The following RGMA variants were observed in gnomAD, a reference collection of about 807,000 sequenced individuals.
The protein encoded by RGMA is repulsive guidance molecule BMP co-receptor a, also known as repulsive guidance molecule A.
In RGMA, 10 loss-of-function variants were observed where a neutral mutation model predicts 23.2. That is an observed-to-expected ratio of 0.43 (90% confidence interval 0.27 to 0.73). RGMA has a LOEUF of 0.73. Ranked by LOEUF, RGMA falls within the 30% of genes least tolerant of loss-of-function variation. RGMA has a pLI of 0.20. For missense variants in RGMA, 547 were observed against 630.5 expected (o/e 0.87, Z 1.42); for synonymous variants, 308 against 279.3 (o/e 1.10, Z -1.03).
chr15:93,050,438 A>G (rs1256313461), intron 3 of RGMA, among the ~76,000 whole-genome samples: 1 of 152,214 alleles, frequency 6.6e-6, no homozygotes, highest in Non-Finnish European at 1.5e-5. Flanking sequence ...TCTGGCCTCC[A>G]GCAGAGCCTG....
At chr15:93,046,674 G>T (rs1212696360) in intron 3 of RGMA, among the ~76,000 whole-genome samples, 1 of 152,150 alleles carries the variant, frequency 6.6e-6, no homozygotes, top group African/African-American at 2.4e-5. Flanking sequence ...GCAGGCAGAG[G>T]CAAGCAGAAG....
rs1246527789 is a variant in RGMA at position 93,044,656 on chromosome 15, AAGG to A, written c.*339_*341del. The A allele has an allele frequency of 2.7e-4, 92 of 343,314 alleles. No homozygotes were observed. In the East Asian group the frequency reaches 4.9e-3, roughly 18 times the overall value. The allele number at this position is 343,314 out of a possible 1,614,324, so 21.3% of individuals were successfully genotyped here. A position where few individuals can be genotyped will look rare whatever the true frequency, so the allele number is the denominator to read the frequency against. On this transcript the variant is annotated 3_prime_UTR_variant, in exon 4 of 4. Transcript: ENST00000329082. ...GGCCTTTCAGTGCATTGCGAGGGGG[AAGG>A]AGCTGACTCTGACGGTTCCCAGTGT...
Position 93,053,000 on chromosome 15 carries a change from GGAT to G in RGMA, c.131-496_131-494del, listed in dbSNP as rs141036105. Among the ~76,000 whole-genome samples the G allele has an allele frequency of 2.0e-5, 3 of 152,308 alleles. No individual in the cohort carries two copies. The East Asian group carries it at 5.8e-4, about 29-fold the overall frequency. ...CCTTGTTATACTCATCTGGAAGATG[GGAT>G]GATGAGTGTGAAGTGATTTATCACG... On this transcript the variant is annotated intron_variant, in intron 2 of 3. Transcript: ENST00000329082.
Position 93,042,027 on chromosome 15 carries a change from G to A in RGMA, c.*2971C>T, listed in dbSNP as rs2141781590. On this transcript the variant is annotated 3_prime_UTR_variant, in exon 4 of 4. Transcript: ENST00000329082. ...AAATACAAAAAATTAGCCAGGCGTG[G>A]TGGTGTGTGCCTGTAGTCCCAGCTA... 6.6e-6 allele frequency: 1 copy of A among 152,506 alleles called. No individual in the cohort carries two copies. The highest frequency in any genetic ancestry group is 1.9e-4 in the East Asian group (1 of 5,188). 9.4% of individuals were successfully genotyped at this position (152,506 alleles called of 1,614,324 possible).
chr15:93,073,223 TGTC>T, intron 1 of RGMA, 192 bp from the exon 2 acceptor site: 1 of 1,089,956 alleles, frequency 9.2e-7, no homozygotes, highest in East Asian at 4.6e-5. Context: ...TCTCCGCCAA[TGTC>T]GACGCGGCCC....
intron 1 of RGMA, among the ~76,000 whole-genome samples, chr15:93,084,128 T>C (rs192764500): frequency 1.4e-4 from 21 of 152,342 alleles, no homozygotes; most frequent in Admixed American, 2.6e-4. Flanking sequence ...CATTTTTGTG[T>C]GCTCTGACAA....
At chr15:93,047,613 G>A (rs1266275121) in intron 3 of RGMA, among the ~76,000 whole-genome samples, 1 of 151,972 alleles carries the variant, frequency 6.6e-6, no homozygotes, top group South Asian at 2.1e-4. Flanking sequence ...CAGCTAGCTG[G>A]CTGGCTGACA....
chr15:93,050,824 C>G (rs1353492329), intron 3 of RGMA, among the ~76,000 whole-genome samples: 1 of 152,170 alleles, frequency 6.6e-6, no homozygotes, highest in Non-Finnish European at 1.5e-5. Flanking sequence ...ACAGGGAGGC[C>G]AGGTCCCCTC....
chr15:93,078,233 C>T (rs575666951), intron 1 of RGMA, among the ~76,000 whole-genome samples: 2 of 152,220 alleles, frequency 1.3e-5, no homozygotes, highest in East Asian at 3.9e-4. Flanking sequence ...CTAACAGATC[C>T]CTGTCTAATA....
At chr15:93,081,196 C>A (rs1168429782) in intron 1 of RGMA, among the ~76,000 whole-genome samples, 1 of 152,118 alleles carries the variant, frequency 6.6e-6, no homozygotes, top group East Asian at 1.9e-4. Context: ...CTGGCTGCCC[C>A]AGGAGATCTC....
intron 2 of RGMA, among the ~76,000 whole-genome samples, chr15:93,060,544 G>A (rs1894926116): frequency 6.6e-6 from 1 of 152,198 alleles, no homozygotes; most frequent in African/African-American, 2.4e-5. Context: ...CCCGATGGGG[G>A]CGGGGTGGGC....
At chr15:93,055,191 A>G (rs1422107410) in intron 2 of RGMA, among the ~76,000 whole-genome samples, 1 of 152,124 alleles carries the variant, frequency 6.6e-6, no homozygotes, top group Non-Finnish European at 1.5e-5. Context: ...CTGTTAATGG[A>G]TGGCCACGCT....
intron 2 of RGMA, among the ~76,000 whole-genome samples, chr15:93,054,027 C>T (rs779729531): frequency 7.2e-5 from 11 of 151,992 alleles, no homozygotes; most frequent in Admixed American, 2.0e-4. Flanking sequence ...GTCTGGAGCT[C>T]GAGACCAGCC....
Position 93,079,148 on chromosome 15 carries a change from G to A in RGMA, c.15-6117C>T, listed in dbSNP as rs144973235. Among the ~76,000 whole-genome samples, 1,332 of 152,318 alleles carry A rather than the reference G, an allele frequency of 8.7e-3. 9 individuals are homozygous for A. Among genetic ancestry groups the A allele is most frequent in the Non-Finnish European group, 0.014 (950 of 68,034 alleles). On this transcript the variant is annotated intron_variant, in intron 1 of 3. Coordinates refer to ENST00000329082, the MANE Select transcript of RGMA (RefSeq NM_020211.3). ...TTAAACTAAGTCTGGATGCACCCAC[G>A]TTCCTGGGGGATCCTCACTGTTAAT...
At chr15:93,083,693 T>C (rs1895594235) in intron 1 of RGMA, among the ~76,000 whole-genome samples, 1 of 152,224 alleles carries the variant, frequency 6.6e-6, no homozygotes, top group African/African-American at 2.4e-5. Context: ...TTGCACTGAC[T>C]GATATACAAC....
Position 93,044,797 on chromosome 15 carries a change from T to G in RGMA, c.*201A>C. On this transcript the variant is annotated 3_prime_UTR_variant, in exon 4 of 4. Transcript: ENST00000329082. ...TCTCACACAGCTCTACTGTCAAACA[T>G]CATGGCACCAGTCACCACAACCTTG... The G allele has an allele frequency of 1.7e-6, 1 of 599,028 alleles. No individual in the cohort carries two copies. The highest frequency in any genetic ancestry group is 3.0e-6 in the Non-Finnish European group (1 of 336,790). 37.1% of individuals were successfully genotyped at this position (599,028 alleles called of 1,614,324 possible).
rs1302358010 is a variant in RGMA, at chr15:93,037,673, A to C, written c.*7325T>G. 6.6e-6 allele frequency: 1 copy of C among 152,212 alleles called. No homozygotes were observed. Among genetic ancestry groups the C allele is most frequent in the African/African-American group, 2.4e-5 (1 of 41,432 alleles). 9.4% of individuals were successfully genotyped at this position (152,212 alleles called of 1,614,324 possible). On this transcript the variant is annotated 3_prime_UTR_variant, in exon 4 of 4. Transcript: ENST00000329082. This position sits in a 1 kb window ranked among gnomAD's most constrained non-coding sequence, Gnocchi z 4.3. ...TGAGCTCAAAACCAATTCCCCAGAC[A>C]GTGTCTGAACACGTCTTTGTTCTTC...
At chr15:93,049,134 C>G (rs1026272807) in intron 3 of RGMA, among the ~76,000 whole-genome samples, 2 of 152,222 alleles carry the variant, frequency 1.3e-5, no homozygotes, top group African/African-American at 4.8e-5. Flanking sequence ...GGCTGCCGCT[C>G]CTGTCTCTGC....
intron 2 of RGMA, among the ~76,000 whole-genome samples, chr15:93,054,229 CAAAAAAAAA>C (rs34699802): frequency 9.0e-6 from 1 of 110,946 alleles, no homozygotes; most frequent in South Asian, 3.0e-4. Flanking sequence ...GACTCCATCT[CAAAAAAAAA>C]AAAAAAAAAA....
Sources: allele counts gnomAD v4.1 joint callset (sites outside exome capture counted in the v4.1 genomes callset), GRCh38; gene constraint gnomAD v4.1.1; non-coding constraint Gnocchi (gnomAD v3.1); transcripts MANE v1.5; gene names NCBI Gene and HGNC (gene_info 2026-07-23, HGNC 2026-07-21).